The following ADAMTS2 variants were observed in gnomAD, a reference collection of about 807,000 sequenced individuals.
The protein encoded by ADAMTS2 is A disintegrin and metalloproteinase with thrombospondin motifs 2.
A neutral mutation model predicts 123.0 loss-of-function variants in ADAMTS2; 50 were observed. The observed-to-expected ratio is 0.41, with a 90% CI of 0.32 to 0.51. The LOEUF (loss-of-function observed/expected upper bound fraction) is 0.51, where lower values mean the gene tolerates loss of function less well. Ranked by LOEUF, ADAMTS2 falls within the 20% of genes least tolerant of loss-of-function variation. ADAMTS2 has a pLI of 0.35. For missense variants in ADAMTS2, 1,494 were observed against 1,705.2 expected (o/e 0.88, Z 2.18); for synonymous variants, 678 against 695.4 (o/e 0.98, Z 0.39).
chr5:179,249,336 T>C (rs988793581), intron 3 of ADAMTS2, among the ~76,000 whole-genome samples: 1 of 151,608 alleles, frequency 6.6e-6, no homozygotes, highest in Non-Finnish European at 1.5e-5. Context: ...ACTTTACACA[T>C]GAAGGAACCA....
At chr5:179,335,007 G>T (rs2127460578) in intron 2 of ADAMTS2, among the ~76,000 whole-genome samples, 1 of 152,220 alleles carries the variant, frequency 6.6e-6, no homozygotes, top group Middle Eastern at 3.4e-3. Context: ...TAGTTTCTAA[G>T]TTTAATTTAC....
intron 3 of ADAMTS2, among the ~76,000 whole-genome samples, chr5:179,217,785 G>A (rs6861565): frequency 8.8e-5 from 10 of 113,968 alleles, no homozygotes; most frequent in African/African-American, 2.9e-4. Context: ...ACTCACTAGG[G>A]GATGGCGCAA....
intron 2 of ADAMTS2, among the ~76,000 whole-genome samples, chr5:179,322,494 C>G (rs1203368977): frequency 1.3e-5 from 2 of 152,222 alleles, no homozygotes; most frequent in African/African-American, 4.8e-5. Context: ...AAACCCTGAG[C>G]CACGCTGGGT....
chr5:179,222,666 G>C (rs1171142566), intron 3 of ADAMTS2, among the ~76,000 whole-genome samples: 1 of 152,264 alleles, frequency 6.6e-6, no homozygotes, highest in Non-Finnish European at 1.5e-5. Flanking sequence ...GTAGCAGCCA[G>C]CGGCAGGCCT....
chr5:179,209,997 C>T (rs1374439907), intron 3 of ADAMTS2, among the ~76,000 whole-genome samples: 2 of 152,336 alleles, frequency 1.3e-5, no homozygotes, highest in Middle Eastern at 3.4e-3. Flanking sequence ...CAGAGGCACT[C>T]GTTGAGGTCA....
intron 3 of ADAMTS2, among the ~76,000 whole-genome samples, chr5:179,251,241 C>T (rs551250900): frequency 3.9e-5 from 6 of 152,228 alleles, no homozygotes; most frequent in Admixed American, 2.0e-4. Flanking sequence ...GACATCCACA[C>T]GGTACTGGAA....
intron 3 of ADAMTS2, among the ~76,000 whole-genome samples, chr5:179,247,747 T>C (rs1007972907): frequency 2.0e-5 from 3 of 151,950 alleles, no homozygotes; most frequent in Non-Finnish European, 1.5e-5. Context: ...CTGAAAAAAA[T>C]ACTGTCCTGC....
intron 5 of ADAMTS2, among the ~76,000 whole-genome samples, chr5:179,171,292 A>G (rs1223377075): frequency 6.6e-6 from 1 of 152,110 alleles, no homozygotes; most frequent in African/African-American, 2.4e-5. Flanking sequence ...CTCCGGTCCC[A>G]CAGACGCTGC....
intron 4 of ADAMTS2, among the ~76,000 whole-genome samples, chr5:179,196,103 G>A (rs1682081007): frequency 6.6e-6 from 1 of 152,186 alleles, no homozygotes; most frequent in African/African-American, 2.4e-5. Flanking sequence ...CAGCACTCGT[G>A]AAAGTTGGTG....
At chr5:179,326,897 G>A (rs1374953103) in intron 2 of ADAMTS2, among the ~76,000 whole-genome samples, 2 of 152,064 alleles carry the variant, frequency 1.3e-5, no homozygotes, top group Non-Finnish European at 2.9e-5. Context: ...GAGAGGGGAG[G>A]AAGAAATGAC....
intron 4 of ADAMTS2, among the ~76,000 whole-genome samples, chr5:179,192,485 A>G (rs1201527215): frequency 6.6e-6 from 1 of 152,166 alleles, no homozygotes; most frequent in African/African-American, 2.4e-5. Context: ...CCCTTGCCAG[A>G]CTCTGGCAGA....
In ADAMTS2 at chr5:179,225,419, G is replaced by A. The variant is rs143128088; in HGVS notation, c.689-17704C>T. Among the ~76,000 whole-genome samples the A allele has an allele frequency of 1.8e-3, 271 of 152,272 alleles. 2 individuals carry two copies. The highest frequency in any genetic ancestry group is 3.0e-3 in the Non-Finnish European group (201 of 68,028). ...CCCTGGCTAAGGGCTCCACCCTCAC[G>A]GACCTATGTGAGGACAGGCACTCTT... On this transcript the variant is annotated intron_variant, in intron 3 of 21. Transcript: ENST00000251582. This position sits in a 1 kb window ranked among gnomAD's most constrained non-coding sequence, Gnocchi z 4.5.
intron 12 of ADAMTS2, 130 bp from the exon 13 acceptor site, chr5:179,136,172 A>G: frequency 7.4e-7 from 1 of 1,343,550 alleles, no homozygotes; most frequent in South Asian, 1.2e-5. Context: ...GCAGACAGAG[A>G]GGGAAAGGGG....
At chr5:179,200,408 T>C (rs2113358324) in intron 4 of ADAMTS2, among the ~76,000 whole-genome samples, 1 of 151,890 alleles carries the variant, frequency 6.6e-6, no homozygotes, top group East Asian at 1.9e-4. Flanking sequence ...GCCACCACAC[T>C]CGGCTTATTT....
intron 3 of ADAMTS2, among the ~76,000 whole-genome samples, chr5:179,249,814 A>G (rs1180817851): frequency 1.3e-5 from 2 of 152,158 alleles, no homozygotes; most frequent in Non-Finnish European, 2.9e-5. Flanking sequence ...AATTCTACCT[A>G]TCACTTAAAG....
At position 179,181,426 on chromosome 5, in the gene ADAMTS2, T is replaced by C. The variant is rs978426902; in HGVS notation, c.892-271A>G. Among the ~76,000 whole-genome samples, 1 of 152,080 alleles carries C rather than the reference T, an allele frequency of 6.6e-6. No homozygotes were observed. The highest frequency in any genetic ancestry group is 1.5e-5 in the Non-Finnish European group (1 of 68,014). On this transcript the variant is annotated intron_variant, in intron 4 of 21. Transcript: ENST00000251582. This position sits in a 1 kb window ranked among gnomAD's most constrained non-coding sequence, Gnocchi z 4.1. ...GGTTTCCTCACCTGGGGCCTGAACA[T>C]GGAACGTGGGCAGGGAAAGCAGCCC...
intron 2 of ADAMTS2, among the ~76,000 whole-genome samples, chr5:179,297,127 C>T (rs889851309): frequency 6.6e-6 from 1 of 152,146 alleles, no homozygotes; most frequent in Non-Finnish European, 1.5e-5. Flanking sequence ...ACACAAGTGG[C>T]TCAACAGCCC....
rs189564661 is a variant in ADAMTS2, at chr5:179,180,920, G to A, written c.975+152C>T. 4.5e-6 allele frequency: 3 copies of A among 660,056 alleles called. No individual in the cohort carries two copies. Among genetic ancestry groups the A allele is most frequent in the Admixed American group, 4.5e-5 (2 of 44,602 alleles). 40.9% of individuals were successfully genotyped at this position (660,056 alleles called of 1,614,324 possible). On this transcript the variant is annotated intron_variant, in intron 5 of 21. Coordinates refer to ENST00000251582, the MANE Select transcript of ADAMTS2 (RefSeq NM_014244.5). The surrounding 1 kb of genome is among the most constrained non-coding windows in gnomAD (Gnocchi z 4.6). Reference sequence around the variant, plus strand: ...AAAACAAGGGGTGAAAGGGAGCAGGGATCTTGTTTCTTATAGGAACCTCAG... The same window carrying A: ...AAAACAAGGGGTGAAAGGGAGCAGGAATCTTGTTTCTTATAGGAACCTCAG...
rs377555068 is a variant in ADAMTS2 at position 179,312,763 on chromosome 5, C to A, written c.534+31004G>T. 1.1e-4 allele frequency among the ~76,000 whole-genome samples: 16 copies of A among 152,330 alleles called. No homozygotes were observed. The East Asian group carries it at 2.1e-3, about 20-fold the overall frequency. On this transcript the variant is annotated intron_variant, in intron 2 of 21. Coordinates refer to ENST00000251582, the MANE Select transcript of ADAMTS2 (RefSeq NM_014244.5). The surrounding 1 kb of genome is among the most constrained non-coding windows in gnomAD (Gnocchi z 4.2). The stretch of plus-strand genomic sequence containing the variant: ...TGGCTGCCACGAGGACCTGGAAGAG[C>A]CCAGGACGCATCCTCCCCTAGAGGC...
Sources: allele counts gnomAD v4.1 joint callset (sites outside exome capture counted in the v4.1 genomes callset), GRCh38; gene constraint gnomAD v4.1.1; non-coding constraint Gnocchi (gnomAD v3.1); transcripts MANE v1.5; gene names NCBI Gene and HGNC (gene_info 2026-07-23, HGNC 2026-07-21).